The following RPS6KA2 variants were observed in gnomAD, a reference collection of about 807,000 sequenced individuals.
RPS6KA2 encodes the protein ribosomal protein S6 kinase A2.
Under a neutral mutation model 91.8 loss-of-function variants are expected in RPS6KA2, and 42 were observed. The ratio of observed to expected loss-of-function variants is 0.46; its 90% CI spans 0.36 to 0.59. The LOEUF (loss-of-function observed/expected upper bound fraction) is 0.59, where lower values mean the gene tolerates loss of function less well. RPS6KA2 is among the 20% of genes least tolerant of loss of function. RPS6KA2 has a pLI of 0.00. For missense variants in RPS6KA2, 798 were observed against 978.5 expected, an observed-to-expected ratio of 0.82 and a Z score of 2.46; for synonymous variants, 414 against 393.6, an observed-to-expected ratio of 1.05 and a Z score of -0.61.
chr6:166,851,628 C>T (rs1033421026), intron 2 of RPS6KA2, among the ~76,000 whole-genome samples: 1 of 152,188 alleles, frequency 6.6e-6, no homozygotes, highest in African/African-American at 2.4e-5. Context: ...TCTCAGACCA[C>T]GGGACACAGT....
At chr6:166,607,096 T>C (rs544592323) in intron 1 of RPS6KA2, among the ~76,000 whole-genome samples, 8 of 147,868 alleles carry the variant, frequency 5.4e-5, no homozygotes, top group Admixed American at 1.4e-4. Flanking sequence ...GAGCCGAGAT[T>C]GTGCCATTGC....
chr6:166,725,835 C>T (rs938075766), intron 2 of RPS6KA2, among the ~76,000 whole-genome samples: 14 of 152,104 alleles, frequency 9.2e-5, no homozygotes, highest in East Asian at 3.9e-4. Context: ...CTCCTGGCGG[C>T]GCAGGCCCAG....
At chr6:166,652,984 C>T (rs1787903600) in intron 2 of RPS6KA2, among the ~76,000 whole-genome samples, 1 of 152,234 alleles carries the variant, frequency 6.6e-6, no homozygotes, top group Non-Finnish European at 1.5e-5. Flanking sequence ...ACTGTGGACA[C>T]TCTGCCTTCC....
At chr6:166,667,228 C>T (rs548970970) in intron 2 of RPS6KA2, among the ~76,000 whole-genome samples, 4 of 152,308 alleles carry the variant, frequency 2.6e-5, no homozygotes, top group African/African-American at 4.8e-5. Context: ...CACACTGACA[C>T]ATGCTTGAGA....
At chr6:166,577,875 T>C (rs1457750012) in intron 1 of RPS6KA2, among the ~76,000 whole-genome samples, 1 of 152,214 alleles carries the variant, frequency 6.6e-6, no homozygotes, top group South Asian at 2.1e-4. Flanking sequence ...TGTACTGCCA[T>C]AATTCCCTTG....
At chr6:166,845,900 A>G (rs539514812) in intron 2 of RPS6KA2, among the ~76,000 whole-genome samples, 1 of 152,198 alleles carries the variant, frequency 6.6e-6, no homozygotes, top group Non-Finnish European at 1.5e-5. Flanking sequence ...AAGAAAATAC[A>G]AAAATTAAAT....
intron 14 of RPS6KA2, among the ~76,000 whole-genome samples, chr6:166,436,495 G>A (rs1477261031): frequency 2.0e-5 from 3 of 152,208 alleles, no homozygotes; most frequent in Non-Finnish European, 4.4e-5. Flanking sequence ...CGCAGGGTCA[G>A]TCACAGGACC....
chr6:166,600,882 T>C (rs760333308), intron 1 of RPS6KA2, among the ~76,000 whole-genome samples: 2 of 152,244 alleles, frequency 1.3e-5, no homozygotes, highest in Non-Finnish European at 2.9e-5. Flanking sequence ...ACTCAGTCAT[T>C]CTTATTATAT....
chr6:166,520,233 T>C (rs1340271131), intron 3 of RPS6KA2, among the ~76,000 whole-genome samples: 1 of 152,124 alleles, frequency 6.6e-6, no homozygotes, highest in East Asian at 1.9e-4. Context: ...CTCTCCTGGT[T>C]CTCAGGACTT....
chr6:166,499,934 A>T (rs1781965497), intron 7 of RPS6KA2, among the ~76,000 whole-genome samples: 1 of 152,178 alleles, frequency 6.6e-6, no homozygotes, highest in Non-Finnish European at 1.5e-5. Flanking sequence ...GGGACTTTGC[A>T]GATGCCATTG....
At chr6:166,538,400 T>C (rs909203702) in intron 2 of RPS6KA2, among the ~76,000 whole-genome samples, 8 of 152,162 alleles carry the variant, frequency 5.3e-5, no homozygotes, top group African/African-American at 1.9e-4. Context: ...TTGGTGATGA[T>C]TTACCAAGAG....
At chr6:166,607,984 A>G (rs1446360419) in intron 1 of RPS6KA2, among the ~76,000 whole-genome samples, 1 of 151,816 alleles carries the variant, frequency 6.6e-6, no homozygotes, top group East Asian at 1.9e-4. Flanking sequence ...CACTTCTGCC[A>G]GAGCGAGAAG....
rs1424614859 is a variant in RPS6KA2, at chr6:166,434,175, G to A, written c.1333-1685C>T. On this transcript the variant is annotated intron_variant, in intron 14 of 20. Coordinates refer to ENST00000265678, the MANE Select transcript of RPS6KA2 (RefSeq NM_021135.6). This position sits in a 1 kb window ranked among gnomAD's most constrained non-coding sequence, Gnocchi z 4.4. ...CACCGTTATAAAAACTCACCATAGT[G>A]CCAGTTCTCACCCCATTATAGTTTC... is the stretch of plus-strand genomic sequence containing the variant. Among the ~76,000 whole-genome samples, 1 of 152,164 alleles carries A rather than the reference G, an allele frequency of 6.6e-6. No individual in the cohort carries two copies. Among genetic ancestry groups the A allele is most frequent in the Non-Finnish European group, 1.5e-5 (1 of 68,046 alleles).
chr6:166,706,027 C>G (rs759481654), intron 2 of RPS6KA2, among the ~76,000 whole-genome samples: 1 of 152,284 alleles, frequency 6.6e-6, no homozygotes, highest in Admixed American at 6.5e-5. Flanking sequence ...GTCTGTGAAC[C>G]AGGGAGCAAG....
chr6:166,576,016 G>A (rs954541712), intron 1 of RPS6KA2, among the ~76,000 whole-genome samples: 1 of 152,122 alleles, frequency 6.6e-6, no homozygotes, highest in African/African-American at 2.4e-5. Context: ...CATAGAGGTG[G>A]TTTCCCCCTT....
chr6:166,609,368 G>A (rs569986400), intron 1 of RPS6KA2, among the ~76,000 whole-genome samples: 1 of 152,216 alleles, frequency 6.6e-6, no homozygotes, highest in African/African-American at 2.4e-5. Flanking sequence ...TGGGCTGTCT[G>A]GGGTGAGATT....
chr6:166,625,458 C>A (rs1276034875), intron 1 of RPS6KA2, among the ~76,000 whole-genome samples: 5 of 151,968 alleles, frequency 3.3e-5, no homozygotes, highest in African/African-American at 7.3e-5. Context: ...TGAACTCCCA[C>A]TGGTCAGCCA....
intron 1 of RPS6KA2, among the ~76,000 whole-genome samples, chr6:166,607,472 A>G (rs1352212765): frequency 6.6e-6 from 1 of 152,248 alleles, no homozygotes; most frequent in Admixed American, 6.5e-5. Flanking sequence ...AATACCTGCT[A>G]CAACACGAAC....
In RPS6KA2 at chr6:166,531,212, G is replaced by A. The variant is rs752318356; in HGVS notation, c.298+20C>T. 32 of 1,570,786 alleles carry A rather than the reference G, an allele frequency of 2.0e-5. No individual in the cohort carries two copies. In the East Asian group the frequency reaches 3.4e-4, roughly 16 times the overall value. On this transcript the variant is annotated intron_variant, in intron 3 of 20. Transcript: ENST00000265678. The stretch of plus-strand genomic sequence containing the variant: ...GCAGTTACCTGTCTCTGAAGCAGCC[G>A]GCCCTTCCGAAGCTCTTACCTTTTA...
Sources: gnomAD v4.1 joint callset for allele counts (sites outside exome capture counted in the v4.1 genomes callset) on GRCh38, gnomAD v4.1.1 for gene constraint, Gnocchi (gnomAD v3.1) non-coding constraint, MANE v1.5 for transcripts, NCBI Gene and HGNC (gene_info 2026-07-23, HGNC 2026-07-21) for gene names.